Variants in ST3GAL6 observed in about 807,000 individuals in gnomAD.
ST3GAL6 encodes the protein type 2 lactosamine alpha-2,3-sialyltransferase.
ST3GAL6 carries 31 observed loss-of-function variants against 40.5 expected under a neutral mutation model. The ratio of observed to expected loss-of-function variants is 0.77; its 90% CI spans 0.58 to 1.03. The LOEUF (loss-of-function observed/expected upper bound fraction) is 1.03, where lower values mean the gene tolerates loss of function less well. Among genes scored for constraint, ST3GAL6 ranks in the 50% least tolerant of loss-of-function variants. The pLI, the probability that ST3GAL6 is intolerant of heterozygous loss-of-function variation, is 0.00. For missense variants in ST3GAL6, 357 were observed against 393.2 expected, an observed-to-expected ratio of 0.91 and a Z score of 0.78; for synonymous variants, 129 against 136.9, an observed-to-expected ratio of 0.94 and a Z score of 0.40.
At chr3:98,745,974 C>T (rs912654365) in intron 1 of ST3GAL6, among the ~76,000 whole-genome samples, 2 of 152,116 alleles carry the variant, frequency 1.3e-5, no homozygotes, top group Admixed American at 1.3e-4. Context: ...ACAGTCCTTA[C>T]ACCCTGAGAT....
chr3:98,743,944 G>A (rs1490403895), intron 1 of ST3GAL6, among the ~76,000 whole-genome samples: 2 of 134,708 alleles, frequency 1.5e-5, no homozygotes, highest in African/African-American at 5.7e-5. Flanking sequence ...CTAATCCCCA[G>A]TACCTCAGAT....
intron 1 of ST3GAL6, among the ~76,000 whole-genome samples, chr3:98,746,283 C>T (rs1241755663): frequency 5.3e-5 from 8 of 152,176 alleles, no homozygotes; most frequent in Non-Finnish European, 1.0e-4. Flanking sequence ...GAACTGATAA[C>T]TCCTTAGCTT....
At chr3:98,782,415 A>T in intron 5 of ST3GAL6, 1 of 645,564 alleles carries the variant, frequency 1.5e-6, no homozygotes, top group East Asian at 2.7e-5. Flanking sequence ...CTGTACCATG[A>T]CTCTCACAAT....
At chr3:98,790,632 C>T (rs182472650) in intron 8 of ST3GAL6, among the ~76,000 whole-genome samples, 23 of 152,228 alleles carry the variant, frequency 1.5e-4, no homozygotes, top group Non-Finnish European at 2.8e-4. Context: ...ACCAGGTAAA[C>T]GTATTTTTCT....
At chr3:98,789,791 T>G (rs1941046263) in intron 8 of ST3GAL6, among the ~76,000 whole-genome samples, 1 of 152,196 alleles carries the variant, frequency 6.6e-6, no homozygotes, top group Non-Finnish European at 1.5e-5. Flanking sequence ...GTATATCTCT[T>G]GCTTCTTCAT....
At chr3:98,757,373 G>C (rs1053535435) in intron 1 of ST3GAL6, among the ~76,000 whole-genome samples, 5 of 152,152 alleles carry the variant, frequency 3.3e-5, no homozygotes, top group African/African-American at 1.2e-4. Flanking sequence ...TTGCTCATGA[G>C]GGTTTCAAAG....
chr3:98,736,450 G>A (rs968895855), intron 1 of ST3GAL6, among the ~76,000 whole-genome samples: 3 of 152,186 alleles, frequency 2.0e-5, no homozygotes, highest in African/African-American at 7.2e-5. Context: ...AGAGGAGACG[G>A]CAAGGAAGCT....
chr3:98,733,268 G>A (rs931231110), intron 1 of ST3GAL6: 80 of 984,132 alleles, frequency 8.1e-5, no homozygotes, highest in East Asian at 1.1e-4. Flanking sequence ...GGCACCCGGG[G>A]ATCCTGGAGC....
At chr3:98,761,860 G>C (rs995857504), upstream of ST3GAL6, among the ~76,000 whole-genome samples, 5 of 152,346 alleles carry the variant, frequency 3.3e-5, no homozygotes, top group Admixed American at 3.3e-4. Context: ...AGGAACTCCA[G>C]TTCTTCTATT....
intron 1 of ST3GAL6, among the ~76,000 whole-genome samples, chr3:98,744,918 A>T (rs1490658319): frequency 2.0e-5 from 3 of 152,196 alleles, no homozygotes; most frequent in Admixed American, 6.5e-5. Flanking sequence ...CAGCCCAACA[A>T]TTAGACTTTG....
intron 5 of ST3GAL6, among the ~76,000 whole-genome samples, chr3:98,781,580 T>C (rs1303261605): frequency 6.6e-6 from 1 of 152,010 alleles, no homozygotes. Flanking sequence ...GCTCTGGTGG[T>C]ATGCTGGTGG....
intron 5 of ST3GAL6, among the ~76,000 whole-genome samples, chr3:98,780,116 A>G (rs1224759289): frequency 6.6e-6 from 1 of 152,228 alleles, no homozygotes; most frequent in African/African-American, 2.4e-5. Flanking sequence ...GATGAAGTCA[A>G]GGAGAGAATG....
chr3:98,766,669 CCTCA>C (rs1284688088), intron 1 of ST3GAL6, among the ~76,000 whole-genome samples: 6 of 152,144 alleles, frequency 3.9e-5, no homozygotes, highest in African/African-American at 1.4e-4. Context: ...GATCCACCTG[CCTCA>C]GCCTCCCAAA....
intron 8 of ST3GAL6, among the ~76,000 whole-genome samples, chr3:98,788,982 A>G (rs1444307096): frequency 6.6e-6 from 1 of 152,248 alleles, no homozygotes; most frequent in Non-Finnish European, 1.5e-5. Context: ...TTCTCAAGAA[A>G]TGGTAGCTAC....
chr3:98,795,255 C>T lies in ST3GAL6; in HGVS notation c.*1494C>T, dbSNP rs1481311605. 6.6e-6 allele frequency: 1 copy of T among 152,138 alleles called. No individual in the cohort carries two copies. Among genetic ancestry groups the T allele is most frequent in the African/African-American group, 2.4e-5 (1 of 41,410 alleles). 9.4% of individuals were successfully genotyped at this position (152,138 alleles called of 1,614,324 possible). Reference sequence around the variant, plus strand: ...AATACAATTGGGAAACACTGGAAAACCATGGCTTGATTACTGACAACCAAC... The same window carrying T: ...AATACAATTGGGAAACACTGGAAAATCATGGCTTGATTACTGACAACCAAC... On this transcript the variant is annotated 3_prime_UTR_variant, in exon 10 of 10. Transcript: ENST00000483910.
intron 6 of ST3GAL6, among the ~76,000 whole-genome samples, chr3:98,785,769 G>A (rs1940643180): frequency 6.6e-6 from 1 of 152,170 alleles, no homozygotes; most frequent in Non-Finnish European, 1.5e-5. Context: ...GCTGTGGCAT[G>A]GACAATGGAA....
At chr3:98,784,742 A>G (rs941596551) in intron 5 of ST3GAL6, among the ~76,000 whole-genome samples, 6 of 152,238 alleles carry the variant, frequency 3.9e-5, no homozygotes, top group Non-Finnish European at 8.8e-5. Flanking sequence ...GTTGCTGACA[A>G]TGATATGCTC....
intron 8 of ST3GAL6, 105 bp from the exon 9 acceptor site, chr3:98,791,736 T>C: frequency 9.5e-7 from 1 of 1,048,698 alleles, no homozygotes; most frequent in Non-Finnish European, 1.4e-6. Flanking sequence ...CTCTCCTTAT[T>C]AAATGTTTAG....
At chr3:98,781,149 TA>T (rs1228434457) in intron 5 of ST3GAL6, among the ~76,000 whole-genome samples, 1 of 152,028 alleles carries the variant, frequency 6.6e-6, no homozygotes, top group African/African-American at 2.4e-5. Context: ...TATGCAGCCA[TA>T]AAAAAGAATG....
Sources: gnomAD v4.1 joint callset for allele counts (sites outside exome capture counted in the v4.1 genomes callset) on GRCh38, gnomAD v4.1.1 for gene constraint, MANE v1.5 for transcripts, NCBI Gene and HGNC (gene_info 2026-07-23, HGNC 2026-07-21) for gene names.